RANBP2: variants seen among roughly 807,000 people sequenced by gnomAD.
RANBP2 encodes the protein E3 SUMO-protein ligase RanBP2.
RANBP2 carries 57 observed loss-of-function variants against 303.6 expected under a neutral mutation model. The ratio of observed to expected loss-of-function variants is 0.19; its 90% confidence interval spans 0.15 to 0.23. The LOEUF is 0.23. Ranked by LOEUF, RANBP2 falls within the 10% of genes least tolerant of loss-of-function variation. The pLI is 1.00. For missense variants in RANBP2, 3,138 were observed against 3,780.8 expected, an observed-to-expected ratio of 0.83 and a Z score of 4.46; for synonymous variants, 1,167 against 1,301.5, an observed-to-expected ratio of 0.90 and a Z score of 2.23.
intron 14 of RANBP2, 37 bp downstream of exon 14, chr2:108,753,600 T>C (rs746746428): frequency 1.8e-5 from 29 of 1,598,212 alleles, no homozygotes; most frequent in Admixed American, 5.2e-5. Flanking sequence ...AAGTTTTATT[T>C]ATTTATTTAT....
chr2:109,509,502 G>A, the RANBP2 span, among the ~76,000 whole-genome samples: 20 of 152,014 alleles, frequency 1.3e-4, no homozygotes, highest in Admixed American at 7.2e-4. Context: ...CAGCTGTGGC[G>A]GGTCGTCTTG....
chr2:109,482,870 G>A, the RANBP2 span, among the ~76,000 whole-genome samples: 1 of 152,170 alleles, frequency 6.6e-6, no homozygotes, highest in African/African-American at 2.4e-5. Flanking sequence ...ACTGGCTGCT[G>A]CCTCCCGTTC....
the RANBP2 span, among the ~76,000 whole-genome samples, chr2:108,962,911 C>T: frequency 6.6e-6 from 1 of 152,164 alleles, no homozygotes; most frequent in Non-Finnish European, 1.5e-5. Context: ...GATCTGCAGA[C>T]AATCCCAGTG....
chr2:109,029,502 G>C, the RANBP2 span, among the ~76,000 whole-genome samples: 1 of 152,270 alleles, frequency 6.6e-6, no homozygotes, highest in African/African-American at 2.4e-5. Context: ...CAGCAGCTCA[G>C]TGTGTGTCTG....
the RANBP2 span, among the ~76,000 whole-genome samples, chr2:109,681,521 G>A: frequency 6.6e-6 from 1 of 152,182 alleles, no homozygotes; most frequent in Non-Finnish European, 1.5e-5. Flanking sequence ...AAAAATAGAG[G>A]AGGAAACTTT....
At chr2:108,925,007 T>C in the RANBP2 span, among the ~76,000 whole-genome samples, 1 of 152,234 alleles carries the variant, frequency 6.6e-6, no homozygotes, top group Non-Finnish European at 1.5e-5. Flanking sequence ...ACCTCCTCTG[T>C]GCCTCACTTC....
chr2:108,857,066 CTTTTTTTTTTTTTTT>C, the RANBP2 span: 22 of 44,066 alleles, frequency 5.0e-4, no homozygotes, highest in South Asian at 1.4e-3. Context: ...GATACTATTG[CTTTTTTTTTTTTTTT>C]TTTTTTTTTT....
At chr2:109,020,275 C>T in the RANBP2 span, among the ~76,000 whole-genome samples, 3 of 152,272 alleles carry the variant, frequency 2.0e-5, no homozygotes, top group East Asian at 5.8e-4. Flanking sequence ...TGTTAAAAGA[C>T]TGGCCATTAA....
chr2:109,149,067 C>T, the RANBP2 span, among the ~76,000 whole-genome samples: 5 of 152,160 alleles, frequency 3.3e-5, no homozygotes, highest in East Asian at 9.7e-4. Flanking sequence ...CCTTCAGAGG[C>T]TTCAATTGAG....
At chr2:109,374,909 G>A in the RANBP2 span, among the ~76,000 whole-genome samples, 1 of 152,210 alleles carries the variant, frequency 6.6e-6, no homozygotes, top group South Asian at 2.1e-4. Context: ...AAGTAAACGA[G>A]AGTGTGCCCT....
the RANBP2 span, among the ~76,000 whole-genome samples, chr2:109,057,914 T>G: frequency 1.8e-4 from 28 of 152,282 alleles, no homozygotes; most frequent in East Asian, 1.7e-3. Context: ...AGGAGGGAGA[T>G]GATAACGATC....
At chr2:109,372,991 C>CT in the RANBP2 span, among the ~76,000 whole-genome samples, 1 of 152,216 alleles carries the variant, frequency 6.6e-6, no homozygotes, top group Admixed American at 6.5e-5. Context: ...AGTCCATAGT[C>CT]TATTTTGCAG....
At chr2:109,496,307 GAGTGCTGATTGGTGCATTTTACAA>G in the RANBP2 span, among the ~76,000 whole-genome samples, 21 of 152,234 alleles carry the variant, frequency 1.4e-4, no homozygotes, top group African/African-American at 4.3e-4. Context: ...GCATTTTACA[GAGTGCTGATTGGTGCATTTTACAA>G]TCCTCTTGCT....
the RANBP2 span, among the ~76,000 whole-genome samples, chr2:108,993,144 GGT>G: frequency 3.3e-5 from 5 of 152,306 alleles, no homozygotes; most frequent in Middle Eastern, 3.4e-3. Context: ...GGGGTAAGGG[GGT>G]GTGAGGGGCG....
the RANBP2 span, among the ~76,000 whole-genome samples, chr2:109,180,478 C>G: frequency 6.6e-6 from 1 of 152,286 alleles, no homozygotes; most frequent in Middle Eastern, 3.4e-3. Flanking sequence ...TGGTTTGGCT[C>G]TGTATCCCCA....
the RANBP2 span, among the ~76,000 whole-genome samples, chr2:109,517,415 T>A: frequency 6.6e-6 from 1 of 152,224 alleles, no homozygotes; most frequent in Non-Finnish European, 1.5e-5. Flanking sequence ...TGCTGGAATC[T>A]TCCGGAAGCT....
chr2:109,507,638 G>A, the RANBP2 span, among the ~76,000 whole-genome samples: 2 of 152,148 alleles, frequency 1.3e-5, no homozygotes, highest in Non-Finnish European at 2.9e-5. Flanking sequence ...TCCTGGGCTC[G>A]GCCCTAAAGC....
the RANBP2 span, among the ~76,000 whole-genome samples, chr2:108,931,612 C>CT: frequency 6.6e-6 from 1 of 152,220 alleles, no homozygotes; most frequent in African/African-American, 2.4e-5. Flanking sequence ...CACACAGCTA[C>CT]TTAAGGGATT....
At chr2:109,026,238 A>G in the RANBP2 span, among the ~76,000 whole-genome samples, 1 of 149,442 alleles carries the variant, frequency 6.7e-6, no homozygotes, top group African/African-American at 2.5e-5. Context: ...GGGCTCAACA[A>G]TCTTCCTGCT....
Sources: allele counts gnomAD v4.1 joint callset (sites outside exome capture counted in the v4.1 genomes callset), GRCh38; gene constraint gnomAD v4.1.1; transcripts MANE v1.5; gene names NCBI Gene and HGNC (gene_info 2026-07-23, HGNC 2026-07-21).